The following TACR1 variants were observed in gnomAD, a reference collection of about 807,000 sequenced individuals.
TACR1 encodes tachykinin receptor 1, also known as substance-P receptor.
In TACR1, 25 loss-of-function variants were observed where a neutral mutation model predicts 35.8. That is an observed-to-expected ratio of 0.70 (90% confidence interval 0.51 to 0.98). TACR1 has a LOEUF of 0.98. Among genes scored for constraint, TACR1 ranks in the 50% least tolerant of loss-of-function variants. The probability of loss-of-function intolerance (pLI) is 0.00; values close to 1 mark genes in which losing one functional copy is unlikely to be tolerated. For missense variants in TACR1, 478 were observed against 522.9 expected, an observed-to-expected ratio of 0.91 and a Z score of 0.84; for synonymous variants, 195 against 206.7, an observed-to-expected ratio of 0.94 and a Z score of 0.48.
At chr2:75,141,818 T>C (rs1191861789) in intron 1 of TACR1, among the ~76,000 whole-genome samples, 1 of 152,174 alleles carries the variant, frequency 6.6e-6, no homozygotes, top group Non-Finnish European at 1.5e-5. Flanking sequence ...CTGTTTTTCA[T>C]ACCTGGGACT....
At chr2:75,082,434 A>G (rs1419140278) in intron 2 of TACR1, among the ~76,000 whole-genome samples, 1 of 152,236 alleles carries the variant, frequency 6.6e-6, no homozygotes, top group Non-Finnish European at 1.5e-5. Flanking sequence ...CTTTGGGTAT[A>G]TACCCAGTAA....
chr2:75,137,728 C>CAAA (rs11326632), intron 1 of TACR1, among the ~76,000 whole-genome samples: 33 of 47,518 alleles, frequency 6.9e-4, no homozygotes, highest in Admixed American at 7.4e-4. Flanking sequence ...GTCTCCGTCT[C>CAAA]AAAAAAAAAA....
At chr2:75,179,344 A>G (rs1675505095) in intron 1 of TACR1, among the ~76,000 whole-genome samples, 1 of 152,114 alleles carries the variant, frequency 6.6e-6, no homozygotes, top group African/African-American at 2.4e-5. Flanking sequence ...GGTTTTAGCT[A>G]CCATAATCTC....
At chr2:75,157,196 G>A (rs139141740) in intron 1 of TACR1, among the ~76,000 whole-genome samples, 107 of 152,220 alleles carry the variant, frequency 7.0e-4, no homozygotes, top group African/African-American at 2.5e-3. Flanking sequence ...AGGCACCACC[G>A]TGGAGCAAAC....
chr2:75,120,478 C>G, intron 2 of TACR1, 96 bp downstream of exon 2: 3 of 1,203,676 alleles, frequency 2.5e-6, no homozygotes, highest in Non-Finnish European at 3.5e-6. Context: ...AAATCTGTAC[C>G]AACAAAAGAA....
chr2:75,151,714 G>A (rs1674675820), intron 1 of TACR1, among the ~76,000 whole-genome samples: 1 of 152,216 alleles, frequency 6.6e-6, no homozygotes, highest in African/African-American at 2.4e-5. Flanking sequence ...GTGAGAAGAG[G>A]GCCACCATCC....
chr2:75,125,957 T>C (rs1247008979), intron 1 of TACR1, among the ~76,000 whole-genome samples: 1 of 152,230 alleles, frequency 6.6e-6, no homozygotes, highest in East Asian at 1.9e-4. Context: ...CAGGGGTACA[T>C]GTGCCAGGTT....
chr2:75,112,930 T>C (rs1673778986), intron 2 of TACR1, among the ~76,000 whole-genome samples: 1 of 152,252 alleles, frequency 6.6e-6, no homozygotes, highest in Non-Finnish European at 1.5e-5. Flanking sequence ...TGTTTGCATC[T>C]ATATTTGTAA....
At chr2:75,080,815 G>A (rs1558546118) in intron 2 of TACR1, among the ~76,000 whole-genome samples, 1 of 152,160 alleles carries the variant, frequency 6.6e-6, no homozygotes, top group Non-Finnish European at 1.5e-5. Context: ...TGTTGTTGAT[G>A]TAATTATTAC....
chr2:75,176,723 G>C lies in TACR1; in HGVS notation c.389+21823C>G, dbSNP rs528452808. On this transcript the variant is annotated intron_variant, in intron 1 of 4. Coordinates refer to ENST00000305249, the MANE Select transcript of TACR1 (RefSeq NM_001058.4). ...TGCACCACCTGCCTCATCACAAGATGTCTCAGTGTCTAATGTCAAGTAGGA... is the reference window on the plus strand; with the variant it reads ...TGCACCACCTGCCTCATCACAAGATCTCTCAGTGTCTAATGTCAAGTAGGA... Among the ~76,000 whole-genome samples the C allele has an allele frequency of 1.7e-3, 263 of 152,212 alleles. 1 individual carries two copies. The highest frequency in any genetic ancestry group is 5.8e-3 in the African/African-American group (239 of 41,526).
chr2:75,082,418 A>G (rs2103835527), intron 2 of TACR1, among the ~76,000 whole-genome samples: 1 of 152,350 alleles, frequency 6.6e-6, no homozygotes, highest in South Asian at 2.1e-4. Flanking sequence ...AGCATGATTT[A>G]TATTCCTTTG....
At chr2:75,122,592 A>G (rs1384688426) in intron 1 of TACR1, among the ~76,000 whole-genome samples, 1 of 152,158 alleles carries the variant, frequency 6.6e-6, no homozygotes, top group African/African-American at 2.4e-5. Flanking sequence ...GAAAGTGGGT[A>G]GGTGGTCTTA....
At chr2:75,087,031 C>A (rs1372192476) in intron 2 of TACR1, among the ~76,000 whole-genome samples, 1 of 152,160 alleles carries the variant, frequency 6.6e-6, no homozygotes, top group Non-Finnish European at 1.5e-5. Context: ...TTGACCTGTG[C>A]TGTAAGTTTA....
intron 2 of TACR1, among the ~76,000 whole-genome samples, chr2:75,106,797 C>A: frequency 6.6e-6 from 1 of 150,930 alleles, no homozygotes; most frequent in Non-Finnish European, 1.5e-5. Context: ...TTTGAAATTA[C>A]CAAAGATAAT....
chr2:75,109,471 A>G (rs1430303225), intron 2 of TACR1, among the ~76,000 whole-genome samples: 3 of 152,214 alleles, frequency 2.0e-5, no homozygotes, highest in Non-Finnish European at 4.4e-5. Flanking sequence ...TAGAATGAAC[A>G]AAAAGGGAAA....
chr2:75,156,571 C>G (rs553090484), intron 1 of TACR1, among the ~76,000 whole-genome samples: 1 of 149,256 alleles, frequency 6.7e-6, no homozygotes, highest in Non-Finnish European at 1.5e-5. Context: ...CCACTGCCCT[C>G]CAGCCTGGGT....
chr2:75,198,521 G>A (rs199674637), intron 1 of TACR1, 25 bp downstream of exon 1: 2 of 1,604,342 alleles, frequency 1.2e-6, no homozygotes, highest in South Asian at 1.1e-5. Flanking sequence ...GCACTTTCTC[G>A]CCTTTTCACA....
chr2:75,090,590 A>G (rs1673289762), intron 2 of TACR1, among the ~76,000 whole-genome samples: 1 of 152,172 alleles, frequency 6.6e-6, no homozygotes, highest in African/African-American at 2.4e-5. Flanking sequence ...TAGCCTGGAA[A>G]CTGTAGGTAA....
At chr2:75,186,883 G>A (rs1276106406) in intron 1 of TACR1, 2 of 152,168 alleles carry the variant, frequency 1.3e-5, no homozygotes, top group East Asian at 3.8e-4. Flanking sequence ...GAAGTATTGG[G>A]AGGAGATGAA....
Sources: allele counts gnomAD v4.1 joint callset (sites outside exome capture counted in the v4.1 genomes callset), GRCh38; gene constraint gnomAD v4.1.1; transcripts MANE v1.5; gene names NCBI Gene and HGNC (gene_info 2026-07-23, HGNC 2026-07-21).